The following STARD3 variants were observed in gnomAD, a reference collection of about 807,000 sequenced individuals.
The protein encoded by STARD3 is StAR related lipid transfer domain containing 3, also known as stAR-related lipid transfer protein 3.
A neutral mutation model predicts 62.0 loss-of-function variants in STARD3; 39 were observed. The observed-to-expected ratio is 0.63, with a 90% CI of 0.49 to 0.82. STARD3 has a LOEUF of 0.82. STARD3 is among the 40% of genes least tolerant of loss of function. STARD3 has a pLI of 0.00. For missense variants in STARD3, 543 were observed against 584.5 expected, an observed-to-expected ratio of 0.93 and a Z score of 0.73; for synonymous variants, 229 against 242.4, an observed-to-expected ratio of 0.94 and a Z score of 0.51.
chr17:39,655,368 G>A (rs2057117291), intron 2 of STARD3, among the ~76,000 whole-genome samples: 1 of 150,416 alleles, frequency 6.6e-6, no homozygotes, highest in African/African-American at 2.4e-5. Context: ...TTTTTTGGTA[G>A]AGATGGAGTC....
chr17:39,655,416 T>C (rs1240945713), intron 2 of STARD3, among the ~76,000 whole-genome samples: 1 of 151,760 alleles, frequency 6.6e-6, no homozygotes. Context: ...ACTCCTGGGC[T>C]CAAGTGATCC....
intron 1 of STARD3, among the ~76,000 whole-genome samples, chr17:39,645,597 G>A (rs1049159192): frequency 6.6e-6 from 1 of 152,018 alleles, no homozygotes; most frequent in Non-Finnish European, 1.5e-5. Flanking sequence ...ATACTCCCAA[G>A]TAGCTGCGAT....
At chr17:39,656,156 C>G (rs1343990008) in intron 2 of STARD3, among the ~76,000 whole-genome samples, 6 of 151,410 alleles carry the variant, frequency 4.0e-5, no homozygotes. Flanking sequence ...GTATCTTTAA[C>G]AAGCCCCCCC....
chr17:39,655,560 T>C (rs1054070661), intron 2 of STARD3, among the ~76,000 whole-genome samples: 1 of 152,172 alleles, frequency 6.6e-6, no homozygotes, highest in Non-Finnish European at 1.5e-5. Flanking sequence ...ACCTGGGAAT[T>C]CTTGCAAAGT....
intron 1 of STARD3, among the ~76,000 whole-genome samples, chr17:39,639,932 A>T (rs914612105): frequency 2.0e-5 from 3 of 152,162 alleles, no homozygotes; most frequent in South Asian, 2.1e-4. Flanking sequence ...CCTGGGTCAG[A>T]TGATCCCTTC....
At chr17:39,657,236 C>A in intron 3 of STARD3, 151 bp downstream of exon 3, 1 of 778,666 alleles carries the variant, frequency 1.3e-6, no homozygotes, top group Non-Finnish European at 2.1e-6. Flanking sequence ...AAAACCTTTG[C>A]TCCACAAGGC....
intron 1 of STARD3, among the ~76,000 whole-genome samples, chr17:39,646,333 A>G (rs1271741206): frequency 2.6e-5 from 4 of 151,876 alleles, no homozygotes; most frequent in East Asian, 1.9e-4. Flanking sequence ...GCCCACTGCA[A>G]CCTCCACCTC....
At chr17:39,654,363 C>G (rs542884542) in intron 2 of STARD3, among the ~76,000 whole-genome samples, 1 of 152,288 alleles carries the variant, frequency 6.6e-6, no homozygotes, top group East Asian at 1.9e-4. Flanking sequence ...GATTGCACCA[C>G]TGCATTCCAG....
chr17:39,658,307 G>A, intron 5 of STARD3, 98 bp from the exon 6 acceptor site: 2 of 1,123,736 alleles, frequency 1.8e-6, no homozygotes, highest in East Asian at 2.4e-5. Context: ...CAGGAATGGG[G>A]TGTATGCCAG....
intron 1 of STARD3, among the ~76,000 whole-genome samples, chr17:39,638,307 T>TA (rs1168442526): frequency 6.6e-6 from 1 of 152,226 alleles, no homozygotes; most frequent in Non-Finnish European, 1.5e-5. Context: ...ACACAAGTCT[T>TA]ACGGTGCCAG....
At chr17:39,640,902 CAG>C (rs1294708550) in intron 1 of STARD3, among the ~76,000 whole-genome samples, 1 of 152,218 alleles carries the variant, frequency 6.6e-6, no homozygotes, top group Non-Finnish European at 1.5e-5. Context: ...AAAGGAGAAA[CAG>C]AGCCAGGCTT....
At chr17:39,653,847 G>A (rs2057101617) in intron 2 of STARD3, 97 bp downstream of exon 2, 1 of 1,427,712 alleles carries the variant, frequency 7.0e-7, no homozygotes, top group Non-Finnish European at 9.7e-7. Flanking sequence ...CTCCCCTGGG[G>A]TTGGTTAGCT....
In STARD3 at chr17:39,637,664, C is replaced by A. The variant is rs755956188; in HGVS notation, c.-52+433C>A. The A allele has an allele frequency of 5.3e-5, 8 of 152,202 alleles. No homozygotes were observed. In the East Asian group the frequency reaches 1.5e-3, roughly 29 times the overall value. 9.4% of individuals were successfully genotyped at this position (152,202 alleles called of 1,614,324 possible). A position where few individuals can be genotyped will look rare whatever the true frequency, so the allele number is the denominator to read the frequency against. ...TTCCTTTCGAAACGGCCGTGAATAA[C>A]TTCCTAATTGGTATTAAAAGGGCCC... is the stretch of plus-strand genomic sequence containing the variant. On this transcript the variant is annotated intron_variant, in intron 1 of 14. Coordinates refer to ENST00000336308, the MANE Select transcript of STARD3 (RefSeq NM_006804.4).
In STARD3 at chr17:39,656,994, T is replaced by C; in HGVS notation, c.220-14T>C. 6.2e-7 allele frequency: 1 copy of C among 1,613,884 alleles called. No individual in the cohort carries two copies. Among genetic ancestry groups the C allele is most frequent in the Non-Finnish European group, 8.5e-7 (1 of 1,179,878 alleles). ...GCTTCTACCTGCAGAGCTCTTCCTGTCTCCCTCTCACAGACCAACACAGGC... is the reference window on the plus strand; with the variant it reads ...GCTTCTACCTGCAGAGCTCTTCCTGCCTCCCTCTCACAGACCAACACAGGC... On this transcript the variant is annotated splice_polypyrimidine_tract_variant and intron_variant, in intron 2 of 14. Transcript: ENST00000336308.
chr17:39,649,438 G>A (rs2057056111), intron 1 of STARD3, among the ~76,000 whole-genome samples: 1 of 152,198 alleles, frequency 6.6e-6, no homozygotes, highest in African/African-American at 2.4e-5. Context: ...GGAGTACCAA[G>A]CATCTCTATC....
At chr17:39,662,137 C>A in intron 13 of STARD3, 114 bp from the exon 14 acceptor site, 1 of 930,660 alleles carries the variant, frequency 1.1e-6, no homozygotes, top group Non-Finnish European at 1.7e-6. Flanking sequence ...TGCCTTTCTG[C>A]TTCCAGCCCA....
At position 39,661,014 on chromosome 17, in the gene STARD3, C is replaced by T; in HGVS notation, c.1068C>T (p.Arg356=). The T allele has an allele frequency of 2.5e-6, 4 of 1,613,852 alleles. No homozygotes were observed. The highest frequency in any genetic ancestry group is 1.7e-6 in the Non-Finnish European group (2 of 1,180,036). Reference sequence around the variant, plus strand: ...TGAATGTCCGGCGCATTGAGCGGCGCAGGGACCGATACTTGTCATCAGGGA... The same window carrying T: ...TGAATGTCCGGCGCATTGAGCGGCGTAGGGACCGATACTTGTCATCAGGGA... ...DFVNVRRIER[R]RDRYLSSGIA... Residue 356 remains arginine (R), a synonymous_variant, in exon 13 of 15, where the codon CGC becomes CGT. Transcript: ENST00000336308.
chr17:39,648,300 A>C (rs36076022), intron 1 of STARD3, among the ~76,000 whole-genome samples: 1,769 of 151,936 alleles, frequency 0.012, 30 homozygotes, highest in African/African-American at 0.04. Flanking sequence ...AAATTAATAA[A>C]AAATAAAAAA....
At chr17:39,643,386 T>C (rs773909469) in intron 1 of STARD3, among the ~76,000 whole-genome samples, 3 of 152,164 alleles carry the variant, frequency 2.0e-5, no homozygotes, top group Non-Finnish European at 4.4e-5. Flanking sequence ...CTCTGCCTCT[T>C]CCTGGCTAGG....
Sources: allele counts gnomAD v4.1 joint callset (sites outside exome capture counted in the v4.1 genomes callset), GRCh38; gene constraint gnomAD v4.1.1; transcripts MANE v1.5; gene names NCBI Gene and HGNC (gene_info 2026-07-23, HGNC 2026-07-21).